The following SORCS3 variants were observed in gnomAD, a reference collection of about 807,000 sequenced individuals.
SORCS3 encodes the protein VPS10 domain-containing receptor SorCS3.
In SORCS3, 57 loss-of-function variants were observed where a neutral mutation model predicts 146.3. That is an observed-to-expected ratio of 0.39 (90% CI 0.31 to 0.49). SORCS3 has a LOEUF of 0.49. Among genes scored for constraint, SORCS3 ranks in the 20% least tolerant of loss-of-function variants. The pLI, the probability that SORCS3 is intolerant of heterozygous loss-of-function variation, is 0.92. For missense variants in SORCS3, 1,341 were observed against 1,575.5 expected (o/e 0.85, Z 2.52); for synonymous variants, 653 against 618.5 (o/e 1.06, Z -0.83).
chr10:104,829,833 C>T (rs2017980778), intron 1 of SORCS3, among the ~76,000 whole-genome samples: 2 of 152,090 alleles, frequency 1.3e-5, no homozygotes, highest in South Asian at 2.1e-4. Flanking sequence ...TCCTTGATAT[C>T]CTTGTATCTC....
At chr10:104,883,287 C>T (rs1029730858) in intron 2 of SORCS3, among the ~76,000 whole-genome samples, 5 of 152,140 alleles carry the variant, frequency 3.3e-5, no homozygotes, top group Non-Finnish European at 1.5e-5. Context: ...TTAACAACAC[C>T]CCTCAGTAAA....
intron 1 of SORCS3, among the ~76,000 whole-genome samples, chr10:104,838,689 G>A (rs1786825145): frequency 6.6e-6 from 1 of 152,166 alleles, no homozygotes; most frequent in Admixed American, 6.5e-5. Context: ...GCAGTGTTTT[G>A]CTAGATTAGA....
At chr10:105,245,016 C>T (rs1453445665) in intron 20 of SORCS3, among the ~76,000 whole-genome samples, 4 of 149,988 alleles carry the variant, frequency 2.7e-5, no homozygotes, top group African/African-American at 9.8e-5. Context: ...TTGCAGTGAG[C>T]CGAGATCGCA....
chr10:104,826,934 C>A (rs534651386), intron 1 of SORCS3, among the ~76,000 whole-genome samples: 39 of 152,306 alleles, frequency 2.6e-4, no homozygotes, highest in African/African-American at 9.1e-4. Context: ...AGCATTTTCA[C>A]CAGGAATAGA....
chr10:104,723,602 G>A (rs2016580308), intron 1 of SORCS3, among the ~76,000 whole-genome samples: 1 of 152,126 alleles, frequency 6.6e-6, no homozygotes, highest in Admixed American at 6.5e-5. Context: ...CATTATTATT[G>A]TGTGGGAATC....
chr10:104,659,842 T>G (rs994864500), intron 1 of SORCS3, among the ~76,000 whole-genome samples: 1 of 152,184 alleles, frequency 6.6e-6, no homozygotes, highest in African/African-American at 2.4e-5. Flanking sequence ...TTGGTCTGCC[T>G]TTTGCCAGCC....
At chr10:105,074,997 C>T (rs1589620121) in intron 5 of SORCS3, among the ~76,000 whole-genome samples, 1 of 152,284 alleles carries the variant, frequency 6.6e-6, no homozygotes. Context: ...ACATTATTAG[C>T]CTATAAATAC....
chr10:105,204,049 A>T (rs2056588267), intron 16 of SORCS3, among the ~76,000 whole-genome samples: 1 of 152,124 alleles, frequency 6.6e-6, no homozygotes, highest in Non-Finnish European at 1.5e-5. Context: ...GTGCTGTCAG[A>T]ATCCATCTAT....
At chr10:104,904,279 A>G (rs929941674) in intron 2 of SORCS3, among the ~76,000 whole-genome samples, 5 of 152,190 alleles carry the variant, frequency 3.3e-5, no homozygotes, top group Non-Finnish European at 7.4e-5. Context: ...TCAAGATGAT[A>G]ATGCCCAATG....
intron 1 of SORCS3, among the ~76,000 whole-genome samples, chr10:104,702,559 A>G (rs2016292112): frequency 6.6e-6 from 1 of 152,210 alleles, no homozygotes; most frequent in African/African-American, 2.4e-5. Context: ...AAGTGCTGGA[A>G]TTACAGGCGT....
At chr10:104,782,695 G>A (rs1245411924) in intron 1 of SORCS3, among the ~76,000 whole-genome samples, 1 of 152,158 alleles carries the variant, frequency 6.6e-6, no homozygotes, top group Non-Finnish European at 1.5e-5. Context: ...TCAGGCATGA[G>A]CTCATTCTTC....
At chr10:104,758,664 G>C (rs1449650353) in intron 1 of SORCS3, among the ~76,000 whole-genome samples, 1 of 152,136 alleles carries the variant, frequency 6.6e-6, no homozygotes, top group African/African-American at 2.4e-5. Context: ...TGACAGCTGA[G>C]ACCTTGCAGG....
At chr10:105,062,269 T>G (rs774910542) in intron 5 of SORCS3, among the ~76,000 whole-genome samples, 4 of 152,172 alleles carry the variant, frequency 2.6e-5, no homozygotes, top group Non-Finnish European at 5.9e-5. Context: ...AGTGGCCCAG[T>G]GTATGGGGTT....
chr10:104,908,329 C>G (rs2018930293), intron 2 of SORCS3, among the ~76,000 whole-genome samples: 1 of 152,138 alleles, frequency 6.6e-6, no homozygotes, highest in Admixed American at 6.5e-5. Flanking sequence ...GTGCCTCACC[C>G]CTATTAAGTG....
chr10:104,732,739 A>C (rs1383758903), intron 1 of SORCS3, among the ~76,000 whole-genome samples: 1 of 152,194 alleles, frequency 6.6e-6, no homozygotes, highest in African/African-American at 2.4e-5. Flanking sequence ...CCATGCTAAC[A>C]GGCAGGGATG....
chr10:104,782,430 T>C (rs1198341919), intron 1 of SORCS3, among the ~76,000 whole-genome samples: 1 of 152,190 alleles, frequency 6.6e-6, no homozygotes, highest in Non-Finnish European at 1.5e-5. Context: ...CTGAGCATCC[T>C]GTCACTGGAA....
At chr10:105,203,947 G>A (rs945174937) in intron 16 of SORCS3, among the ~76,000 whole-genome samples, 13 of 152,112 alleles carry the variant, frequency 8.5e-5, no homozygotes, top group Admixed American at 7.9e-4. Context: ...ATCCAAATAA[G>A]CACTGTTTTC....
intron 1 of SORCS3, among the ~76,000 whole-genome samples, chr10:104,682,495 C>A (rs1411316056): frequency 6.6e-6 from 1 of 152,210 alleles, no homozygotes; most frequent in African/African-American, 2.4e-5. Flanking sequence ...CTTATAAGTC[C>A]TCAGCAGGTT....
intron 1 of SORCS3, among the ~76,000 whole-genome samples, chr10:104,772,494 A>G (rs1024076677): frequency 2.6e-5 from 4 of 152,138 alleles, no homozygotes; most frequent in African/African-American, 9.7e-5. Flanking sequence ...GTTACTCTTA[A>G]CAATGTCTGC....
Sources: allele counts gnomAD v4.1 joint callset (sites outside exome capture counted in the v4.1 genomes callset), GRCh38; gene constraint gnomAD v4.1.1; transcripts MANE v1.5; gene names NCBI Gene and HGNC (gene_info 2026-07-23, HGNC 2026-07-21).